The following ARHGAP18 variants were observed in gnomAD, a reference collection of about 807,000 sequenced individuals.
ARHGAP18 encodes Rho GTPase activating protein 18.
ARHGAP18 carries 67 observed loss-of-function variants against 86.2 expected under a neutral mutation model. That is an observed-to-expected ratio of 0.78 (90% CI 0.64 to 0.95). The LOEUF (loss-of-function observed/expected upper bound fraction) is 0.95, where lower values mean the gene tolerates loss of function less well. Ranked by LOEUF, ARHGAP18 falls within the 40% of genes least tolerant of loss-of-function variation. The probability of loss-of-function intolerance (pLI) is 0.00; values close to 1 mark genes in which losing one functional copy is unlikely to be tolerated. For missense variants in ARHGAP18, 691 were observed against 780.4 expected, an observed-to-expected ratio of 0.89 and a Z score of 1.37; for synonymous variants, 283 against 280.4, an observed-to-expected ratio of 1.01 and a Z score of -0.09.
chr6:129,625,167 T>G (rs1399435391), intron 5 of ARHGAP18, among the ~76,000 whole-genome samples: 1 of 53,808 alleles, frequency 1.9e-5, no homozygotes, highest in Non-Finnish European at 3.7e-5. Flanking sequence ...ATATATATTA[T>G]ATATGATATA....
chr6:129,690,425 C>T (rs1377054867), intron 1 of ARHGAP18, among the ~76,000 whole-genome samples: 1 of 152,118 alleles, frequency 6.6e-6, no homozygotes, highest in Non-Finnish European at 1.5e-5. Context: ...CAACATATAA[C>T]TTCTCCAAAT....
chr6:129,658,623 G>A (rs1773889239), intron 1 of ARHGAP18, among the ~76,000 whole-genome samples: 6 of 152,116 alleles, frequency 3.9e-5, no homozygotes, highest in Admixed American at 3.9e-4. Context: ...AATCCCCTAG[G>A]TCATGGTAAA....
At chr6:129,651,546 G>A (rs1773710454) in intron 1 of ARHGAP18, among the ~76,000 whole-genome samples, 2 of 152,128 alleles carry the variant, frequency 1.3e-5, no homozygotes, top group South Asian at 4.2e-4. Context: ...AAAGACACCA[G>A]CACCAGTGAT....
At chr6:129,585,803 T>G (rs1788385705) in intron 12 of ARHGAP18, among the ~76,000 whole-genome samples, 1 of 152,236 alleles carries the variant, frequency 6.6e-6, no homozygotes, top group Admixed American at 6.5e-5. Context: ...CAATTCAATC[T>G]GTGAAGGACA....
At chr6:129,668,587 C>T (rs1446174836) in intron 1 of ARHGAP18, among the ~76,000 whole-genome samples, 2 of 152,060 alleles carry the variant, frequency 1.3e-5, no homozygotes, top group Non-Finnish European at 2.9e-5. Flanking sequence ...CGTCGGGTTC[C>T]TCTCCCACTT....
At chr6:129,701,782 A>C (rs771409182) in intron 1 of ARHGAP18, among the ~76,000 whole-genome samples, 2 of 150,486 alleles carry the variant, frequency 1.3e-5, no homozygotes, top group African/African-American at 2.5e-5. Flanking sequence ...ATAAAAAAAA[A>C]CAAAAAACAA....
rs1773375679 is a variant in ARHGAP18, at chr6:129,638,359, A to C, written c.552+35T>G. On this transcript the variant is annotated intron_variant, in intron 3 of 14. Coordinates refer to ENST00000368149, the MANE Select transcript of ARHGAP18 (RefSeq NM_033515.3). ...TTGATCCAATTAATTGTAAGCAATTATTCCTTTGCCTTAACATCAAAAAAG... is the reference window on the plus strand; with the variant it reads ...TTGATCCAATTAATTGTAAGCAATTCTTCCTTTGCCTTAACATCAAAAAAG... 1.9e-6 allele frequency: 3 copies of C among 1,572,162 alleles called. No homozygotes were observed. In the East Asian group the frequency reaches 6.7e-5, roughly 35 times the overall value.
At chr6:129,629,247 CTATATA>C (rs35265089) in intron 5 of ARHGAP18, 100 bp downstream of exon 5, 3 of 653,486 alleles carry the variant, frequency 4.6e-6, no homozygotes, top group African/African-American at 1.9e-5. Context: ...CTCTCTCTCT[CTATATA>C]TATATATATG....
At chr6:129,655,317 C>CAAAAAAA (rs55681217) in intron 1 of ARHGAP18, among the ~76,000 whole-genome samples, 5 of 75,084 alleles carry the variant, frequency 6.7e-5, no homozygotes, top group African/African-American at 9.5e-5. Flanking sequence ...AAAACTCTCT[C>CAAAAAAA]AAAAAAAAAA....
At chr6:129,652,325 C>T (rs1222654557) in intron 1 of ARHGAP18, among the ~76,000 whole-genome samples, 2 of 152,200 alleles carry the variant, frequency 1.3e-5, no homozygotes, top group African/African-American at 4.8e-5. Flanking sequence ...AGGTAGTGAT[C>T]ACATCTAAAT....
chr6:129,631,128 A>ATG (rs1221752407), intron 4 of ARHGAP18, among the ~76,000 whole-genome samples: 1 of 152,138 alleles, frequency 6.6e-6, no homozygotes, highest in Non-Finnish European at 1.5e-5. Context: ...TACTGTGACT[A>ATG]TGTACACTGG....
At chr6:129,639,046 T>C (rs1044921907) in intron 2 of ARHGAP18, among the ~76,000 whole-genome samples, 2 of 152,330 alleles carry the variant, frequency 1.3e-5, no homozygotes, top group South Asian at 4.1e-4. Flanking sequence ...CACTAATTTA[T>C]GGAAAGCCTT....
intron 2 of ARHGAP18, among the ~76,000 whole-genome samples, chr6:129,641,146 A>G (rs962055172): frequency 6.6e-6 from 1 of 152,184 alleles, no homozygotes; most frequent in African/African-American, 2.4e-5. Flanking sequence ...GTTGCATCCA[A>G]TCTGGAGAAG....
intron 12 of ARHGAP18, among the ~76,000 whole-genome samples, chr6:129,595,044 T>A (rs534693255): frequency 6.6e-6 from 1 of 152,274 alleles, no homozygotes; most frequent in South Asian, 2.1e-4. Flanking sequence ...CCTATCTAGA[T>A]AACCTTAGTA....
At chr6:129,623,485 A>G (rs1584056947) in intron 5 of ARHGAP18, among the ~76,000 whole-genome samples, 1 of 152,242 alleles carries the variant, frequency 6.6e-6, no homozygotes, top group African/African-American at 2.4e-5. Context: ...ATGAGAGATC[A>G]TAAAGAATTG....
intron 1 of ARHGAP18, among the ~76,000 whole-genome samples, chr6:129,643,010 G>A (rs1188870993): frequency 2.0e-5 from 3 of 151,948 alleles, no homozygotes; most frequent in Non-Finnish European, 2.9e-5. Context: ...ATAAATAAGA[G>A]TATTTGTATA....
chr6:129,587,447 G>A (rs1413698652), intron 12 of ARHGAP18, among the ~76,000 whole-genome samples: 1 of 152,186 alleles, frequency 6.6e-6, no homozygotes, highest in African/African-American at 2.4e-5. Context: ...AGAGCTGAAT[G>A]TATTAGTCTC....
At chr6:129,700,336 G>A (rs1774690499) in intron 1 of ARHGAP18, among the ~76,000 whole-genome samples, 1 of 152,128 alleles carries the variant, frequency 6.6e-6, no homozygotes, top group South Asian at 2.1e-4. Context: ...CTTATTAAGA[G>A]TAACAAACAC....
intron 1 of ARHGAP18, among the ~76,000 whole-genome samples, chr6:129,667,467 A>ATGTGTGTGTG (rs1219093894): frequency 1.0e-5 from 1 of 95,748 alleles, no homozygotes; most frequent in African/African-American, 4.1e-5. Context: ...AGAAAAATAT[A>ATGTGTGTGTG]TATGTGTGTG....
Sources: allele counts gnomAD v4.1 joint callset (sites outside exome capture counted in the v4.1 genomes callset), GRCh38; gene constraint gnomAD v4.1.1; transcripts MANE v1.5; gene names NCBI Gene and HGNC (gene_info 2026-07-23, HGNC 2026-07-21).